Variants in PPP1R9A observed in about 807,000 individuals in gnomAD.
PPP1R9A encodes neurabin-1.
Under a neutral mutation model 141.9 loss-of-function variants are expected in PPP1R9A, and 59 were observed. That is an observed-to-expected ratio of 0.42 (90% CI 0.34 to 0.52). The LOEUF (loss-of-function observed/expected upper bound fraction) is 0.52, where lower values mean the gene tolerates loss of function less well. Ranked by LOEUF, PPP1R9A falls within the 20% of genes least tolerant of loss-of-function variation. The probability of loss-of-function intolerance (pLI) is 0.10; values close to 1 mark genes in which losing one functional copy is unlikely to be tolerated. For missense variants in PPP1R9A, 1,444 were observed against 1,611.9 expected, an observed-to-expected ratio of 0.90 and a Z score of 1.78; for synonymous variants, 500 against 569.7, an observed-to-expected ratio of 0.88 and a Z score of 1.74.
rs1332822118 is a variant in PPP1R9A, at chr7:95,269,430, C to T, written c.3047C>T (p.Thr1016Ile). ...SMWGDTSLFSTSKSDHDVEES... is the reference protein window; with the variant it reads ...SMWGDTSLFSISKSDHDVEES... ...TGGGGAGACACTTCACTGTTTTCTA[C>T]TTCAAAGTCTGATCATGATGTGGAA... The change falls in exon 14 of 20, where the codon ACT (threonine) becomes ATT (isoleucine). Residue 1016 changes from threonine (T) to isoleucine (I), a missense_variant. By Grantham distance (89) the Thr-to-Ile change is moderately conservative. Around this residue, in one of 5 missense-constraint regions of PPP1R9A, gnomAD observed 459 missense variants for 513.8 expected, o/e 0.89. Transcript: ENST00000433360. 1.3e-6 allele frequency: 2 copies of T among 1,593,406 alleles called. No individual in the cohort carries two copies. The highest frequency in any genetic ancestry group is 2.7e-5 in the African/African-American group (2 of 74,742).
intron 2 of PPP1R9A, among the ~76,000 whole-genome samples, chr7:94,934,460 T>C (rs1794523516): frequency 6.6e-6 from 1 of 152,200 alleles, no homozygotes; most frequent in Non-Finnish European, 1.5e-5. Flanking sequence ...TCCTGAGTTT[T>C]ATCACCCAAG....
At chr7:95,283,979 C>A in intron 16 of PPP1R9A, 39 bp from the exon 17 acceptor site, 1 of 1,479,464 alleles carries the variant, frequency 6.8e-7, no homozygotes. Context: ...TTTATCCGCC[C>A]TTTCTTTATC....
intron 6 of PPP1R9A, among the ~76,000 whole-genome samples, chr7:95,201,296 C>A (rs1789519668): frequency 6.6e-6 from 1 of 152,108 alleles, no homozygotes. Flanking sequence ...CTCCAAGTAA[C>A]TCACTTTATG....
chr7:95,078,268 A>G (rs949613489), intron 2 of PPP1R9A, among the ~76,000 whole-genome samples: 5 of 151,652 alleles, frequency 3.3e-5, no homozygotes, highest in African/African-American at 1.2e-4. Context: ...ACTGACAATG[A>G]TGATTTCCAA....
In PPP1R9A at chr7:95,004,330, C is replaced by T. The variant is rs28771974; in HGVS notation, c.1395+92822C>T. ...AGAAATTTATTTTAAAACAGTATGACGGCCAAAAAAAAGCTATTGGAAGGA... is the reference window on the plus strand; with the variant it reads ...AGAAATTTATTTTAAAACAGTATGATGGCCAAAAAAAAGCTATTGGAAGGA... On this transcript the variant is annotated intron_variant, in intron 2 of 19. Transcript: ENST00000433360. Among the ~76,000 whole-genome samples the T allele has an allele frequency of 6.0e-3, 916 of 151,772 alleles. 8 individuals are homozygous for T. The highest frequency in any genetic ancestry group is 0.02 in the African/African-American group (840 of 41,374).
intron 2 of PPP1R9A, among the ~76,000 whole-genome samples, chr7:94,922,072 T>TA (rs1237877525): frequency 6.7e-6 from 1 of 149,808 alleles, no homozygotes; most frequent in Non-Finnish European, 1.5e-5. Flanking sequence ...GATAGATTCC[T>TA]AAAAAAATAT....
At chr7:95,159,562 G>A (rs757304826) in intron 4 of PPP1R9A, among the ~76,000 whole-genome samples, 1 of 152,100 alleles carries the variant, frequency 6.6e-6, no homozygotes, top group African/African-American at 2.4e-5. Flanking sequence ...TATAAGCAAT[G>A]AAGAGAATAA....
At chr7:95,183,448 CT>C (rs766642929) in intron 5 of PPP1R9A, among the ~76,000 whole-genome samples, 1,283 of 102,978 alleles carry the variant, frequency 0.012, 14 homozygotes, top group African/African-American at 0.041. Flanking sequence ...CAAAAATATT[CT>C]TTTTTTTTTT....
intron 7 of PPP1R9A, 44 bp downstream of exon 7, chr7:95,203,774 C>A: frequency 7.5e-7 from 1 of 1,334,726 alleles, no homozygotes; most frequent in Non-Finnish European, 1.0e-6. Flanking sequence ...TACTTTCCTG[C>A]TTCATATGTA....
chr7:94,974,560 C>A lies in PPP1R9A; in HGVS notation c.1395+63052C>A, dbSNP rs572153805. ...AAGAACAAGAGCATGTCCTTTTCTTCTGATTAATTCATCTAAGAAACACTG... is the reference window on the plus strand; with the variant it reads ...AAGAACAAGAGCATGTCCTTTTCTTATGATTAATTCATCTAAGAAACACTG... On this transcript the variant is annotated intron_variant, in intron 2 of 19. Transcript: ENST00000433360. Among the ~76,000 whole-genome samples, 5 of 152,270 alleles carry A rather than the reference C, an allele frequency of 3.3e-5. No homozygotes were observed. In the East Asian group the frequency reaches 9.6e-4, roughly 29 times the overall value.
chr7:95,058,737 G>T (rs148567076), intron 2 of PPP1R9A, among the ~76,000 whole-genome samples: 1 of 151,982 alleles, frequency 6.6e-6, no homozygotes, highest in South Asian at 2.1e-4. Context: ...GGGGTGGAGC[G>T]GGGTGGAGTA....
At chr7:95,185,313 T>A (rs1366489771) in intron 5 of PPP1R9A, among the ~76,000 whole-genome samples, 1 of 152,060 alleles carries the variant, frequency 6.6e-6, no homozygotes, top group African/African-American at 2.4e-5. Flanking sequence ...ATACATTTGT[T>A]AGCCACTTAT....
intron 4 of PPP1R9A, chr7:95,156,175 C>T (rs951766492): frequency 5.9e-5 from 9 of 152,526 alleles, no homozygotes; most frequent in Non-Finnish European, 1.2e-4. Flanking sequence ...TCGGACATGC[C>T]GGCTGCTGCA....
At chr7:95,247,357 T>G (rs1798249523) in intron 8 of PPP1R9A, 116 bp from the exon 9 acceptor site, 1 of 750,398 alleles carries the variant, frequency 1.3e-6, no homozygotes. Context: ...CTTGCTGCAC[T>G]GCAGCACTTT....
chr7:95,190,677 A>G (rs1835370450), intron 5 of PPP1R9A, among the ~76,000 whole-genome samples: 1 of 152,248 alleles, frequency 6.6e-6, no homozygotes. Context: ...GGCGCTTTCA[A>G]GAGAGCCCCA....
chr7:95,217,364 G>A (rs764187287), intron 7 of PPP1R9A, among the ~76,000 whole-genome samples: 1 of 152,154 alleles, frequency 6.6e-6, no homozygotes, highest in Admixed American at 6.5e-5. Context: ...GCTGGATTTG[G>A]TTTGCCAATA....
chr7:94,989,799 G>A (rs1040959244), intron 2 of PPP1R9A, among the ~76,000 whole-genome samples: 2 of 151,948 alleles, frequency 1.3e-5, no homozygotes, highest in African/African-American at 4.8e-5. Context: ...TATTTCATAC[G>A]TAGCCAGTTC....
intron 6 of PPP1R9A, among the ~76,000 whole-genome samples, chr7:95,198,843 C>G (rs777176834): frequency 5.3e-5 from 8 of 152,066 alleles, no homozygotes; most frequent in Non-Finnish European, 1.2e-4. Context: ...TCAATCTTTT[C>G]CAAATGTTCT....
At position 95,294,247 on chromosome 7, in the gene PPP1R9A, GAAATA is replaced by G. The variant is rs1806765221; in HGVS notation, c.*3949_*3953del. ...GCTAAGCATTTAAGGATAAAGTCCA[GAAATA>G]AAATGTCCATATTTTCTTTTCTTTT... is the stretch of plus-strand genomic sequence containing the variant. On this transcript the variant is annotated 3_prime_UTR_variant, in exon 20 of 20. Transcript: ENST00000433360. The G allele has an allele frequency of 6.7e-6, 1 of 149,238 alleles. No homozygotes were observed. Among genetic ancestry groups the G allele is most frequent in the African/African-American group, 2.5e-5 (1 of 40,488 alleles). The allele number at this position is 149,238 out of a possible 1,614,324, so 9.2% of individuals were successfully genotyped here.
Sources: gnomAD v4.1 joint callset for allele counts (sites outside exome capture counted in the v4.1 genomes callset) on GRCh38, gnomAD v4.1.1 for gene constraint, gnomAD v4.1.1 regional missense constraint, MANE v1.5 for transcripts, NCBI Gene and HGNC (gene_info 2026-07-23, HGNC 2026-07-21) for gene names.